PPM1L: variants seen among roughly 807,000 people sequenced by gnomAD.
PPM1L encodes the protein protein phosphatase 1L.
PPM1L carries 13 observed loss-of-function variants against 31.4 expected under a neutral mutation model. The ratio of observed to expected loss-of-function variants is 0.41; its 90% CI spans 0.27 to 0.66. The LOEUF is 0.66. Ranked by LOEUF, PPM1L falls within the 30% of genes least tolerant of loss-of-function variation. The probability of loss-of-function intolerance (pLI) is 0.29; values close to 1 mark genes in which losing one functional copy is unlikely to be tolerated. For missense variants in PPM1L, 326 were observed against 453.7 expected (o/e 0.72, Z 2.56); for synonymous variants, 184 against 175.4 (o/e 1.05, Z -0.39).
intron 1 of PPM1L, among the ~76,000 whole-genome samples, chr3:160,883,365 T>C (rs945296202): frequency 2.0e-5 from 3 of 152,144 alleles, no homozygotes; most frequent in Non-Finnish European, 4.4e-5. Context: ...AAATGAAATA[T>C]GTGTACAAAA....
At chr3:160,999,461 A>G (rs181054769) in intron 2 of PPM1L, among the ~76,000 whole-genome samples, 1 of 152,348 alleles carries the variant, frequency 6.6e-6, no homozygotes, top group East Asian at 1.9e-4. Context: ...CCAGAGGGAA[A>G]TAAGAATCTC....
At chr3:160,866,916 C>G (rs983212577) in intron 1 of PPM1L, among the ~76,000 whole-genome samples, 4 of 152,184 alleles carry the variant, frequency 2.6e-5, no homozygotes, top group Non-Finnish European at 1.5e-5. Context: ...GCAATCACAG[C>G]TCACTCCAGC....
intron 2 of PPM1L, among the ~76,000 whole-genome samples, chr3:161,023,318 T>C (rs547036964): frequency 3.9e-5 from 6 of 152,280 alleles, no homozygotes; most frequent in African/African-American, 1.2e-4. Context: ...CAAATATTCT[T>C]TTGTTCCTTT....
At chr3:160,891,971 G>A (rs1361485044) in intron 1 of PPM1L, among the ~76,000 whole-genome samples, 1 of 152,038 alleles carries the variant, frequency 6.6e-6, no homozygotes, top group African/African-American at 2.4e-5. Flanking sequence ...ACAGGGAGGG[G>A]AACATCACAC....
intron 2 of PPM1L, among the ~76,000 whole-genome samples, chr3:161,049,566 C>T (rs1423968473): frequency 2.0e-5 from 3 of 152,114 alleles, no homozygotes; most frequent in East Asian, 1.9e-4. Flanking sequence ...TCAAAATCTT[C>T]GTCTTCTACT....
At chr3:160,759,039 A>C (rs2108053410) in intron 1 of PPM1L, among the ~76,000 whole-genome samples, 1 of 152,338 alleles carries the variant, frequency 6.6e-6, no homozygotes, top group South Asian at 2.1e-4. Flanking sequence ...AGTGACAAAT[A>C]ATATTAGATA....
At chr3:161,023,470 C>T (rs1718295343) in intron 2 of PPM1L, among the ~76,000 whole-genome samples, 1 of 152,084 alleles carries the variant, frequency 6.6e-6, no homozygotes, top group East Asian at 1.9e-4. Context: ...GTCAATTGAC[C>T]TATCTTCAAG....
chr3:160,924,465 G>A (rs953425519), intron 1 of PPM1L, among the ~76,000 whole-genome samples: 1 of 152,118 alleles, frequency 6.6e-6, no homozygotes, highest in African/African-American at 2.4e-5. Flanking sequence ...TTCTGTAATA[G>A]GAAGAAAGAA....
chr3:161,035,383 C>T (rs910887361), intron 2 of PPM1L, among the ~76,000 whole-genome samples: 2 of 152,134 alleles, frequency 1.3e-5, no homozygotes, highest in African/African-American at 4.8e-5. Context: ...CAGCGCCCCT[C>T]GGCCAAAGAG....
intron 2 of PPM1L, among the ~76,000 whole-genome samples, chr3:161,023,333 G>T (rs1319590244): frequency 1.3e-5 from 2 of 151,764 alleles, no homozygotes; most frequent in Non-Finnish European, 2.9e-5. Context: ...TCCTTTCTCT[G>T]TCTCATCTCC....
intron 1 of PPM1L, among the ~76,000 whole-genome samples, chr3:160,880,894 A>T (rs1243223357): frequency 3.9e-5 from 6 of 152,192 alleles, no homozygotes; most frequent in Admixed American, 3.9e-4. Flanking sequence ...TACACATTCA[A>T]CCCTCTTTCA....
In PPM1L at chr3:161,074,616, T is replaced by C. The variant is rs1351149228; in HGVS notation, c.*5459T>C. ...GCATTTCTAAACATTTTTTCTAATA[T>C]GTAAATTTGCTGATCCTTAGTAATG... On this transcript the variant is annotated 3_prime_UTR_variant, in exon 4 of 4. Transcript: ENST00000498165. The C allele has an allele frequency of 6.6e-6, 1 of 152,210 alleles. No individual in the cohort carries two copies. Among genetic ancestry groups the C allele is most frequent in the Admixed American group, 6.5e-5 (1 of 15,286 alleles). 9.4% of individuals were successfully genotyped at this position (152,210 alleles called of 1,614,324 possible).
At chr3:160,978,611 C>T (rs533839564) in intron 2 of PPM1L, among the ~76,000 whole-genome samples, 8 of 152,244 alleles carry the variant, frequency 5.3e-5, no homozygotes, top group Admixed American at 5.2e-4. Context: ...GGGAGAATTG[C>T]TTGAGCCCAG....
chr3:161,048,938 G>A (rs866283108), intron 2 of PPM1L, among the ~76,000 whole-genome samples: 2 of 110,400 alleles, frequency 1.8e-5, no homozygotes, highest in South Asian at 3.8e-4. Flanking sequence ...CGTGGGGTGG[G>A]GGGAGGGGGG....
At chr3:161,036,631 T>C (rs1299544811) in intron 2 of PPM1L, among the ~76,000 whole-genome samples, 1 of 152,230 alleles carries the variant, frequency 6.6e-6, no homozygotes, top group Non-Finnish European at 1.5e-5. Flanking sequence ...CCCGGTGCCA[T>C]TCAAGACACT....
intron 2 of PPM1L, among the ~76,000 whole-genome samples, chr3:160,969,439 C>T (rs1396312424): frequency 1.3e-5 from 2 of 152,062 alleles, no homozygotes; most frequent in East Asian, 3.9e-4. Flanking sequence ...CATTTACTGT[C>T]ATGGGGGAAA....
chr3:160,900,618 A>G (rs1435698344), intron 1 of PPM1L, among the ~76,000 whole-genome samples: 3 of 152,020 alleles, frequency 2.0e-5, no homozygotes, highest in Non-Finnish European at 4.4e-5. Context: ...ATATAGGTGT[A>G]CTTTACCTAT....
At chr3:160,830,131 G>A (rs916436101) in intron 1 of PPM1L, among the ~76,000 whole-genome samples, 1 of 152,158 alleles carries the variant, frequency 6.6e-6, no homozygotes, top group Non-Finnish European at 1.5e-5. Flanking sequence ...GGGTGTAGTG[G>A]TTGTAAAAAC....
intron 3 of PPM1L, among the ~76,000 whole-genome samples, chr3:161,066,503 T>C (rs1719744831): frequency 6.6e-6 from 1 of 152,186 alleles, no homozygotes; most frequent in African/African-American, 2.4e-5. Context: ...GTGTGGCCTG[T>C]GTGGGCCTTG....
Sources: allele counts gnomAD v4.1 joint callset (sites outside exome capture counted in the v4.1 genomes callset), GRCh38; gene constraint gnomAD v4.1.1; transcripts MANE v1.5; gene names NCBI Gene and HGNC (gene_info 2026-07-23, HGNC 2026-07-21).